GARRE1: variants seen among roughly 807,000 people sequenced by gnomAD.
The protein encoded by GARRE1 is granule associated Rac and RHOG effector protein 1.
Under a neutral mutation model 103.2 loss-of-function variants are expected in GARRE1, and 49 were observed. The observed-to-expected ratio is 0.47, with a 90% confidence interval of 0.38 to 0.60. The LOEUF is 0.60. Among genes scored for constraint, GARRE1 ranks in the 20% least tolerant of loss-of-function variants. GARRE1 has a pLI of 0.00. For missense variants in GARRE1, 1,199 were observed against 1,370.5 expected (o/e 0.87, Z 1.98); for synonymous variants, 505 against 532.8 (o/e 0.95, Z 0.72).
chr19:34,296,992 A>T (rs973650314), intron 1 of GARRE1, among the ~76,000 whole-genome samples: 2 of 152,102 alleles, frequency 1.3e-5, no homozygotes, highest in Non-Finnish European at 2.9e-5. Context: ...TAGAAAAGGT[A>T]ATTGAAATTT....
At chr19:34,348,953 G>A in intron 11 of GARRE1, 63 bp from the exon 12 acceptor site, 1 of 1,593,084 alleles carries the variant, frequency 6.3e-7, no homozygotes, top group Non-Finnish European at 8.5e-7. Flanking sequence ...GCCCTTTCAG[G>A]GTGGGGTGGC....
intron 1 of GARRE1, among the ~76,000 whole-genome samples, chr19:34,279,684 TAAAC>T (rs1213609449): frequency 6.6e-6 from 1 of 152,174 alleles, no homozygotes; most frequent in African/African-American, 2.4e-5. Context: ...GGGTAATTTA[TAAAC>T]AAAAGTGGTT....
At chr19:34,276,817 G>A (rs149259286) in intron 1 of GARRE1, among the ~76,000 whole-genome samples, 61 of 152,364 alleles carry the variant, frequency 4.0e-4, no homozygotes, top group African/African-American at 1.0e-3. Context: ...CAGATTTCCA[G>A]AGAGTTGGGC....
chr19:34,352,964 C>G lies in GARRE1; in HGVS notation c.*9C>G, dbSNP rs1052190869. 1 of 1,424,430 alleles carries G rather than the reference C, an allele frequency of 7.0e-7. No individual in the cohort carries two copies. The highest frequency in any genetic ancestry group is 9.3e-7 in the Non-Finnish European group (1 of 1,078,826). The allele number at this position is 1,424,430 out of a possible 1,614,324, so 88.2% of individuals were successfully genotyped here. A position where few individuals can be genotyped will look rare whatever the true frequency, so the allele number is the denominator to read the frequency against. On this transcript the variant is annotated 3_prime_UTR_variant, in exon 14 of 14. Transcript: ENST00000299505. ...ATCTGCCCCAGTACTGACCCCAGGC[C>G]AGCCAGCCTGCCTGCCTGCCTGCCT... is the stretch of plus-strand genomic sequence containing the variant.
chr19:34,300,702 C>T lies in GARRE1; in HGVS notation c.229C>T (p.Gln77Ter), dbSNP rs1313405765. 1.2e-6 allele frequency: 2 copies of T among 1,614,056 alleles called. No homozygotes were observed. The highest frequency in any genetic ancestry group is 1.7e-6 in the Non-Finnish European group (2 of 1,180,048). ...MPHTTPIADI[Q>*]QGISKYLDAL... ...CCACACTACTCCTATCGCCGACATC[C>T]AGCAGGGCATCTCCAAGTATCTGGA... The change falls in exon 2 of 14, where the codon CAG becomes TAG. Residue 77 changes from glutamine to a stop codon, truncating the protein, a stop_gained. Coordinates refer to ENST00000299505, the MANE Select transcript of GARRE1 (RefSeq NM_014686.5). LOFTEE classifies it high-confidence loss of function.
At position 34,300,111 on chromosome 19, in the gene GARRE1, C is replaced by T. The variant is rs1356456341; in HGVS notation, c.-363C>T. Reference sequence around the variant, plus strand: ...TATTACATTATATTACATTTTTAAACGTTAAGTTATTTTTCTGCCATTGTA... The same window carrying T: ...TATTACATTATATTACATTTTTAAATGTTAAGTTATTTTTCTGCCATTGTA... On this transcript the variant is annotated 5_prime_UTR_variant, in exon 2 of 14. In the 5' UTR this introduces an upstream ATG that the reference lacks. Transcript: ENST00000299505. 3.6e-5 allele frequency: 7 copies of T among 194,484 alleles called. No individual in the cohort carries two copies. Among genetic ancestry groups the T allele is most frequent in the Non-Finnish European group, 7.3e-5 (7 of 96,038 alleles). The allele number at this position is 194,484 out of a possible 1,614,324, so 12.0% of individuals were successfully genotyped here. A position where few individuals can be genotyped will look rare whatever the true frequency, so the allele number is the denominator to read the frequency against.
At chr19:34,325,336 C>T (rs963951515) in intron 3 of GARRE1, among the ~76,000 whole-genome samples, 1 of 152,134 alleles carries the variant, frequency 6.6e-6, no homozygotes, top group East Asian at 1.9e-4. Flanking sequence ...TTCCTGTGGG[C>T]TTCAGGCCCC....
At chr19:34,272,155 G>T (rs1352330947) in intron 1 of GARRE1, among the ~76,000 whole-genome samples, 2 of 152,218 alleles carry the variant, frequency 1.3e-5, no homozygotes, top group Admixed American at 6.5e-5. Context: ...AAAGTTGGTT[G>T]TGCCTTTGAC....
At chr19:34,331,704 CAT>C (rs1295482950) in intron 7 of GARRE1, among the ~76,000 whole-genome samples, 3 of 152,094 alleles carry the variant, frequency 2.0e-5, no homozygotes, top group Non-Finnish European at 2.9e-5. Context: ...TTTTCAAAAA[CAT>C]ATGGTGGCAG....
chr19:34,294,654 T>G (rs953215216), intron 1 of GARRE1, among the ~76,000 whole-genome samples: 2 of 152,116 alleles, frequency 1.3e-5, no homozygotes, highest in African/African-American at 2.4e-5. Flanking sequence ...ATGGGCTATA[T>G]TCTTTTGTTT....
At chr19:34,286,534 T>C (rs1165540718) in intron 1 of GARRE1, among the ~76,000 whole-genome samples, 1 of 114,428 alleles carries the variant, frequency 8.7e-6, no homozygotes, top group Non-Finnish European at 1.8e-5. Context: ...TTCTGTATTC[T>C]TTTTTTTTTT....
intron 1 of GARRE1, among the ~76,000 whole-genome samples, chr19:34,286,659 G>A (rs776853577): frequency 8.0e-5 from 12 of 150,092 alleles, no homozygotes; most frequent in East Asian, 7.9e-4. Context: ...CCGCTACCAC[G>A]CCGGGCTAAT....
rs2074131470 is a variant in GARRE1 at position 34,330,293 on chromosome 19, A to T, written c.1209A>T (p.Thr403=). The part of the protein sequence containing the change: ...TEVLNQVCPS[T]WRGACKTAVQ... ...TGCTGAACCAGGTTTGCCCTTCCAC[A>T]TGGCGAGGTGCCTGCAAGACGGCGG... The change falls in exon 7 of 14, where the codon ACA becomes ACT. Residue 403 remains threonine (T), a synonymous_variant. Coordinates refer to ENST00000299505, the MANE Select transcript of GARRE1 (RefSeq NM_014686.5). The T allele has an allele frequency of 8.1e-6, 13 of 1,614,092 alleles. No individual in the cohort carries two copies. The highest frequency in any genetic ancestry group is 9.3e-6 in the Non-Finnish European group (11 of 1,180,050).
chr19:34,256,085 TG>T (rs1330699154), intron 1 of GARRE1, among the ~76,000 whole-genome samples: 1 of 151,934 alleles, frequency 6.6e-6, no homozygotes, highest in Non-Finnish European at 1.5e-5. Context: ...GTGATCCGCC[TG>T]GCTCGGCGTT....
rs549283796 is a variant in GARRE1, at chr19:34,317,679, CA to C, written c.496-2227del. Among the ~76,000 whole-genome samples the C allele has an allele frequency of 7.9e-5, 12 of 152,324 alleles. No individual in the cohort carries two copies. In the South Asian group the frequency reaches 2.5e-3, roughly 32 times the overall value. ...GGACACTTGAGTCAGGTGACTGGTC[CA>C]CCACATGCAGATTGTGTCCCGTTGA... On this transcript the variant is annotated intron_variant, in intron 2 of 13. Transcript: ENST00000299505.
intron 10 of GARRE1, among the ~76,000 whole-genome samples, chr19:34,344,530 G>A (rs1387152866): frequency 6.7e-6 from 1 of 148,788 alleles, no homozygotes; most frequent in Non-Finnish European, 1.5e-5. Flanking sequence ...GGCGGAGCTT[G>A]CAGTGAGCCG....
At chr19:34,342,808 T>A (rs921628328) in intron 10 of GARRE1, among the ~76,000 whole-genome samples, 5 of 151,262 alleles carry the variant, frequency 3.3e-5, no homozygotes, top group Non-Finnish European at 5.9e-5. Flanking sequence ...GGTGCTTTTT[T>A]CCTGATTATA....
chr19:34,347,814 G>A (rs984890059), intron 10 of GARRE1, 63 bp from the exon 11 acceptor site: 44 of 1,410,616 alleles, frequency 3.1e-5, no homozygotes, highest in South Asian at 1.0e-4. Flanking sequence ...TTAGCAAAGC[G>A]TAGGGAAGGA....
rs576090527 is a variant in GARRE1, at chr19:34,339,942, G to A, written c.1437G>A (p.Val479=). Reference sequence around the variant, plus strand: ...ATCCTGAGAAGACCCTGGGTCTAGTGGACGTGCTCTACACAGCTGTGCTGG... The same window carrying A: ...ATCCTGAGAAGACCCTGGGTCTAGTAGACGTGCTCTACACAGCTGTGCTGG... ...SLDPEKTLGL[V]DVLYTAVLDL... The change falls in exon 9 of 14, where the codon GTG becomes GTA. Residue 479 remains valine, a synonymous_variant. Transcript: ENST00000299505. The A allele has an allele frequency of 1.9e-6, 3 of 1,613,872 alleles. No individual in the cohort carries two copies. Among genetic ancestry groups the A allele is most frequent in the African/African-American group, 2.7e-5 (2 of 74,924 alleles).
Sources: gnomAD v4.1 joint callset for allele counts (sites outside exome capture counted in the v4.1 genomes callset) on GRCh38, gnomAD v4.1.1 for gene constraint, MANE v1.5 for transcripts, NCBI Gene and HGNC (gene_info 2026-07-23, HGNC 2026-07-21) for gene names.